SLC18A2: variants seen among roughly 807,000 people sequenced by gnomAD.
The protein encoded by SLC18A2 is solute carrier family 18 member A2.
In SLC18A2, 33 loss-of-function variants were observed where a neutral mutation model predicts 59.2. That is an observed-to-expected ratio of 0.56 (90% CI 0.42 to 0.75). The LOEUF (loss-of-function observed/expected upper bound fraction) is 0.75. SLC18A2 is among the 30% of genes least tolerant of loss of function. The pLI is 0.00. For synonymous variants in SLC18A2, 228 were observed against 253.5 expected (o/e 0.90, Z 0.95); for missense variants, 569 against 668.6 (o/e 0.85, Z 1.64).
chr10:117,275,556 C>T (rs1844477717), intron 15 of SLC18A2, among the ~76,000 whole-genome samples: 1 of 152,186 alleles, frequency 6.6e-6, no homozygotes, highest in Non-Finnish European at 1.5e-5. Flanking sequence ...CCTCTGTGCT[C>T]ATCTAACTAC....
chr10:117,254,973 G>A (rs541426901), intron 6 of SLC18A2, among the ~76,000 whole-genome samples: 13 of 152,306 alleles, frequency 8.5e-5, no homozygotes, highest in African/African-American at 3.1e-4. Context: ...TACAAGGAGC[G>A]AAGTCTCTGT....
rs112647562 is a variant in SLC18A2, at chr10:117,241,444, G to A, written c.-16+224G>A. Among the ~76,000 whole-genome samples, 4,527 of 152,148 alleles carry A rather than the reference G, an allele frequency of 0.03. 218 individuals carry two copies. The highest frequency in any genetic ancestry group is 0.1 in the African/African-American group (4,311 of 41,522). ...CGGGGATCAGGGCAGCGTCCTGGGG[G>A]TTCTAGGTTGGGTCTCCAGATTGGG... On this transcript the variant is annotated intron_variant, in intron 1 of 15. Transcript: ENST00000644641.
chr10:117,243,661 C>T (rs901292450), intron 2 of SLC18A2, among the ~76,000 whole-genome samples: 4 of 152,224 alleles, frequency 2.6e-5, no homozygotes, highest in Non-Finnish European at 5.9e-5. Flanking sequence ...TCTTTGCTCA[C>T]TGCAACTTCC....
rs906998824 is a variant in SLC18A2, at chr10:117,241,524, C to T, written c.-15-155C>T. On this transcript the variant is annotated intron_variant, in intron 1 of 15. Transcript: ENST00000644641. ...CAGGGAGCGCGGGCTCTCGTGGGGACGCGCTCGAGGCAGGTGAGCCGAGGC... is the reference window on the plus strand; with the variant it reads ...CAGGGAGCGCGGGCTCTCGTGGGGATGCGCTCGAGGCAGGTGAGCCGAGGC... 3.9e-6 allele frequency: 3 copies of T among 773,506 alleles called. 1 individual carries two copies. The highest frequency in any genetic ancestry group is 8.6e-5 in the Admixed American group (2 of 23,340). The allele number at this position is 773,506 out of a possible 1,614,324, so 47.9% of individuals were successfully genotyped here. A position where few individuals can be genotyped will look rare whatever the true frequency, so the allele number is the denominator to read the frequency against.
At chr10:117,271,170 C>G (rs1844421226) in intron 15 of SLC18A2, among the ~76,000 whole-genome samples, 2 of 152,232 alleles carry the variant, frequency 1.3e-5, no homozygotes, top group African/African-American at 4.8e-5. Context: ...TCTTTCTTAT[C>G]TGGTGTTGCC....
chr10:117,244,278 C>A lies in SLC18A2; in HGVS notation c.429C>A (p.Leu143=). 1 of 1,614,184 alleles carries A rather than the reference C, an allele frequency of 6.2e-7. No homozygotes were observed. Among genetic ancestry groups the A allele is most frequent in the Non-Finnish European group, 8.5e-7 (1 of 1,180,014 alleles). The change falls in exon 3 of 16, where the codon CTC becomes CTA. Residue 143 remains leucine, a synonymous_variant. Transcript: ENST00000644641. ...LLFASKATVQ[L]ITNPFIGLLT... is the part of the protein sequence containing the mutation. ...TTGCCTCGAAAGCCACCGTCCAGCT[C>A]ATCACCAACCCTTTCATAGGACTAC...
intron 15 of SLC18A2, 65 bp downstream of exon 15, chr10:117,270,528 T>G: frequency 1.9e-6 from 3 of 1,572,934 alleles, no homozygotes; most frequent in Non-Finnish European, 2.6e-6. Context: ...CCTGATAGCT[T>G]CCTCATGGTT....
rs528412696 is a variant in SLC18A2 at position 117,264,742 on chromosome 10, C to T, written c.992-1991C>T. Among the ~76,000 whole-genome samples, 128 of 152,260 alleles carry T rather than the reference C, an allele frequency of 8.4e-4. 1 individual carries two copies. Among genetic ancestry groups the T allele is most frequent in the African/African-American group, 2.9e-3 (120 of 41,548 alleles). On this transcript the variant is annotated intron_variant, in intron 10 of 15. Coordinates refer to ENST00000644641, the MANE Select transcript of SLC18A2 (RefSeq NM_003054.6). The stretch of plus-strand genomic sequence containing the variant: ...GTTTTATTCATTTATACCTACCTGG[C>T]CTTTGGGGATTCTTATCATGAGACA...
chr10:117,266,988 C>G lies in SLC18A2; in HGVS notation c.1075C>G (p.Leu359Val), dbSNP rs757113466. 6.2e-7 allele frequency: 1 copy of G among 1,613,094 alleles called. No homozygotes were observed. The highest frequency in any genetic ancestry group is 1.7e-5 in the Admixed American group (1 of 59,916). Residue 359 changes from leucine to valine, a missense_variant, in exon 12 of 16, where the codon CTT becomes GTT. Leu to Val is a conservative substitution (Grantham distance 32). Around this residue, in one of 2 missense-constraint regions of SLC18A2, gnomAD observed 192 missense variants for 278.8 expected, o/e 0.69. Coordinates refer to ENST00000644641, the MANE Select transcript of SLC18A2 (RefSeq NM_003054.6). Reference protein sequence around the residue: ...GILAHKMGRWLCALLGMIIVG... With the variant: ...GILAHKMGRWVCALLGMIIVG... ...TGGTGCTTTTTCTTTTGGTAGGTGG[C>G]TTTGTGCTCTTCTGGGAATGATAAT...
chr10:117,278,545 G>A lies in SLC18A2; in HGVS notation c.*1279G>A, dbSNP rs778482037. ...TTTATGTCATTTTGTTAAGAGATAT[G>A]ACTGGAGTGTGCAGTGTGGAATGTC... On this transcript the variant is annotated 3_prime_UTR_variant, in exon 16 of 16. Coordinates refer to ENST00000644641, the MANE Select transcript of SLC18A2 (RefSeq NM_003054.6). The A allele has an allele frequency of 6.6e-6, 1 of 152,146 alleles. No homozygotes were observed. The highest frequency in any genetic ancestry group is 1.5e-5 in the Non-Finnish European group (1 of 68,030). The allele number at this position is 152,146 out of a possible 1,614,324, so 9.4% of individuals were successfully genotyped here.
chr10:117,260,465 T>C (rs1450369701), intron 10 of SLC18A2, among the ~76,000 whole-genome samples: 1 of 147,750 alleles, frequency 6.8e-6, no homozygotes, highest in East Asian at 2.5e-4. Flanking sequence ...CCTTCTCCTC[T>C]CCCACTCTGT....
chr10:117,252,142 T>A (rs1478748482), intron 3 of SLC18A2, among the ~76,000 whole-genome samples: 5 of 128,350 alleles, frequency 3.9e-5, no homozygotes, highest in African/African-American at 1.9e-4. Context: ...GTATTTTTTT[T>A]TTTTTTTTTT....
intron 15 of SLC18A2, among the ~76,000 whole-genome samples, chr10:117,275,982 A>G (rs1844484891): frequency 6.6e-6 from 1 of 152,182 alleles, no homozygotes; most frequent in Non-Finnish European, 1.5e-5. Context: ...CTAAGGGGCC[A>G]TGACAATATG....
chr10:117,260,916 C>T (rs952710794), intron 10 of SLC18A2, among the ~76,000 whole-genome samples: 25 of 152,300 alleles, frequency 1.6e-4, no homozygotes, highest in Admixed American at 1.3e-4. Flanking sequence ...TGTCCTTGTA[C>T]GTATCTTTAG....
chr10:117,273,603 T>C (rs967986377), intron 15 of SLC18A2, among the ~76,000 whole-genome samples: 2 of 152,194 alleles, frequency 1.3e-5, no homozygotes, highest in African/African-American at 2.4e-5. Flanking sequence ...GCTGCTGAGA[T>C]AGACCACATT....
At chr10:117,246,549 T>C (rs1844112488) in intron 3 of SLC18A2, among the ~76,000 whole-genome samples, 1 of 152,188 alleles carries the variant, frequency 6.6e-6, no homozygotes, top group African/African-American at 2.4e-5. Context: ...ACTTTAGAAA[T>C]TATCTAGAGC....
chr10:117,274,500 T>C (rs1476390762), intron 15 of SLC18A2, among the ~76,000 whole-genome samples: 1 of 152,112 alleles, frequency 6.6e-6, no homozygotes, highest in Non-Finnish European at 1.5e-5. Flanking sequence ...AATAAGGTAG[T>C]GATGACCGTT....
intron 10 of SLC18A2, among the ~76,000 whole-genome samples, chr10:117,260,105 G>A (rs1178268229): frequency 1.3e-5 from 2 of 152,140 alleles, no homozygotes; most frequent in Non-Finnish European, 2.9e-5. Flanking sequence ...CTGAGTGTTT[G>A]GGGTTTTGGT....
intron 3 of SLC18A2, among the ~76,000 whole-genome samples, chr10:117,249,281 A>G (rs920378246): frequency 1.3e-5 from 2 of 152,240 alleles, no homozygotes; most frequent in African/African-American, 4.8e-5. Flanking sequence ...TAGGAGAAGC[A>G]AAAGCTCTGT....
Sources: allele counts gnomAD v4.1 joint callset (sites outside exome capture counted in the v4.1 genomes callset), GRCh38; gene constraint gnomAD v4.1.1; regional missense constraint gnomAD v4.1.1; transcripts MANE v1.5; gene names NCBI Gene and HGNC (gene_info 2026-07-23, HGNC 2026-07-21).